DPH6: variants seen among roughly 807,000 people sequenced by gnomAD.
DPH6 encodes diphthamine biosynthesis 6, also known as diphthine--ammonia ligase.
In DPH6, 33 loss-of-function variants were observed where a neutral mutation model predicts 38.2. The ratio of observed to expected loss-of-function variants is 0.86; its 90% CI spans 0.65 to 1.15. The LOEUF is 1.15. Among genes scored for constraint, DPH6 ranks in the 50% most tolerant of loss-of-function variants. The pLI is 0.00. For missense variants in DPH6, 325 were observed against 320.0 expected (o/e 1.02, Z -0.12); for synonymous variants, 108 against 103.0 (o/e 1.05, Z -0.30).
chr15:35,161,173 C>A, the DPH6 span, among the ~76,000 whole-genome samples: 1 of 151,992 alleles, frequency 6.6e-6, no homozygotes, highest in South Asian at 2.1e-4. Flanking sequence ...AAAACAACAA[C>A]AACAAAAACA....
At chr15:35,450,416 G>A (rs1262297844) in intron 5 of DPH6, among the ~76,000 whole-genome samples, 1 of 139,424 alleles carries the variant, frequency 7.2e-6, no homozygotes, top group East Asian at 2.1e-4. Context: ...TTAAAATGAA[G>A]GACTATAATA....
chr15:35,383,180 C>G (rs936680051), intron 6 of DPH6, among the ~76,000 whole-genome samples: 2 of 152,134 alleles, frequency 1.3e-5, no homozygotes, highest in Admixed American at 1.3e-4. Flanking sequence ...AATCCACCAC[C>G]AAAGAATAAC....
intron 3 of DPH6, among the ~76,000 whole-genome samples, chr15:35,310,482 C>T (rs1346118554): frequency 6.6e-6 from 1 of 152,026 alleles, no homozygotes; most frequent in Non-Finnish European, 1.5e-5. Flanking sequence ...AAAAAAGTAG[C>T]AATTTTTGCC....
At chr15:35,447,020 C>T (rs2053862846) in intron 5 of DPH6, among the ~76,000 whole-genome samples, 1 of 152,128 alleles carries the variant, frequency 6.6e-6, no homozygotes, top group African/African-American at 2.4e-5. Context: ...AGGCGTCCAC[C>T]ACCACGCATG....
intron 3 of DPH6, among the ~76,000 whole-genome samples, chr15:35,303,198 A>C (rs2052065833): frequency 6.6e-6 from 1 of 152,050 alleles, no homozygotes; most frequent in Admixed American, 6.6e-5. Context: ...GTGCTCCAGA[A>C]ATATTAGTTC....
the DPH6 span, among the ~76,000 whole-genome samples, chr15:35,178,697 T>C: frequency 3.9e-5 from 6 of 152,168 alleles, no homozygotes; most frequent in Non-Finnish European, 7.3e-5. Context: ...GTGTGTGATA[T>C]GTGTAATTAA....
At chr15:35,365,885 A>C, downstream of DPH6, 1 of 985,224 alleles carries the variant, frequency 1.0e-6, no homozygotes, top group South Asian at 4.7e-5. Flanking sequence ...TTCAAGCCCC[A>C]AGTTGTCTCA....
chr15:35,209,569 T>C, the DPH6 span, among the ~76,000 whole-genome samples: 1 of 152,134 alleles, frequency 6.6e-6, no homozygotes. Flanking sequence ...GAATAAAATA[T>C]CAGAAAAATT....
intron 5 of DPH6, among the ~76,000 whole-genome samples, chr15:35,436,249 G>T (rs938458121): frequency 6.6e-5 from 10 of 151,610 alleles, no homozygotes; most frequent in African/African-American, 1.2e-4. Context: ...GGCGGATCAC[G>T]AGGTCAGGAG....
intron 5 of DPH6, among the ~76,000 whole-genome samples, chr15:35,445,304 C>T (rs2053837400): frequency 6.7e-6 from 1 of 150,338 alleles, no homozygotes; most frequent in South Asian, 2.1e-4. Flanking sequence ...AACATATTGT[C>T]TTGATTTATG....
chr15:35,302,254 G>A (rs940077567), intron 3 of DPH6, among the ~76,000 whole-genome samples: 4 of 151,986 alleles, frequency 2.6e-5, no homozygotes, highest in African/African-American at 7.2e-5. Flanking sequence ...TGTATTTTCT[G>A]TATAACCCAT....
At chr15:35,476,545 C>T (rs1241933361) in intron 3 of DPH6, among the ~76,000 whole-genome samples, 2 of 151,848 alleles carry the variant, frequency 1.3e-5, no homozygotes, top group East Asian at 3.9e-4. Context: ...AAAAAATCCA[C>T]ACAAAAGCAC....
chr15:35,178,171 T>C, the DPH6 span, among the ~76,000 whole-genome samples: 2 of 152,220 alleles, frequency 1.3e-5, no homozygotes, highest in Non-Finnish European at 2.9e-5. Context: ...CAAGACTAAA[T>C]TGAAACAACT....
At chr15:35,417,199 TATA>T (rs1337577655) in intron 5 of DPH6, among the ~76,000 whole-genome samples, 1 of 152,086 alleles carries the variant, frequency 6.6e-6, no homozygotes, top group African/African-American at 2.4e-5. Context: ...GTACAGCGCT[TATA>T]ATATTTACTT....
Position 35,375,449 on chromosome 15 carries a change from C to G in DPH6, c.663-1841G>C, listed in dbSNP as rs140015683. 3.3e-3 allele frequency among the ~76,000 whole-genome samples: 499 copies of G among 152,200 alleles called. 2 individuals carry two copies. Among genetic ancestry groups the G allele is most frequent in the African/African-American group, 0.012 (479 of 41,540 alleles). ...ACCACTCACTATTGCTCTTCTCTCT[C>G]ATATACTATCACAGTGATACTCAAA... is the stretch of plus-strand genomic sequence containing the variant. On this transcript the variant is annotated intron_variant, in intron 7 of 8. Transcript: ENST00000256538.
Position 35,407,886 on chromosome 15 carries a change from T to C in DPH6, c.567+2949A>G, listed in dbSNP as rs534141312. Among the ~76,000 whole-genome samples, 117 of 152,128 alleles carry C rather than the reference T, an allele frequency of 7.7e-4. 1 individual carries two copies. The highest frequency in any genetic ancestry group is 6.8e-3 in the Middle Eastern group (2 of 294). ...TCACAAGTTGTGACCTCATAGCTGT[T>C]TGGATGTTATTCTAATTGCAACAAG... On this transcript the variant is annotated intron_variant, in intron 6 of 8. Transcript: ENST00000256538.
intron 5 of DPH6, among the ~76,000 whole-genome samples, chr15:35,425,244 G>A (rs1470716209): frequency 6.6e-6 from 1 of 151,434 alleles, no homozygotes; most frequent in African/African-American, 2.4e-5. Context: ...TTTGTATTAA[G>A]GTACAAATAT....
At chr15:35,221,128 G>A (rs1032050854) in intron 3 of DPH6, among the ~76,000 whole-genome samples, 1 of 152,202 alleles carries the variant, frequency 6.6e-6, no homozygotes, top group South Asian at 2.1e-4. Flanking sequence ...AGACTCCAGA[G>A]TAATCTTTCT....
chr15:35,274,274 G>A (rs1325234262), intron 3 of DPH6, among the ~76,000 whole-genome samples: 9 of 152,200 alleles, frequency 5.9e-5, no homozygotes, highest in African/African-American at 1.7e-4. Context: ...AAAGACTTAA[G>A]TGTAAAACCC....
Sources: allele counts gnomAD v4.1 joint callset (sites outside exome capture counted in the v4.1 genomes callset), GRCh38; gene constraint gnomAD v4.1.1; transcripts MANE v1.5; gene names NCBI Gene and HGNC (gene_info 2026-07-23, HGNC 2026-07-21).